The following WDR72 variants were observed in gnomAD, a reference collection of about 807,000 sequenced individuals.
WDR72 encodes WD repeat-containing protein 72.
In WDR72, 120 loss-of-function variants were observed where a neutral mutation model predicts 124.2. The observed-to-expected ratio is 0.97, with a 90% CI of 0.83 to 1.12. WDR72 has a LOEUF of 1.12. Ranked by LOEUF, WDR72 falls within the 50% of genes most tolerant of loss-of-function variation. WDR72 has a pLI of 0.00. For synonymous variants in WDR72, 452 were observed against 441.7 expected, an observed-to-expected ratio of 1.02 and a Z score of -0.29; for missense variants, 1,387 against 1,278.8, an observed-to-expected ratio of 1.08 and a Z score of -1.29.
intron 18 of WDR72, among the ~76,000 whole-genome samples, chr15:53,529,164 A>ATATATATTTTTTTTTTTTT (rs59003623): frequency 2.6e-5 from 2 of 78,168 alleles, no homozygotes; most frequent in Admixed American, 1.4e-4. Context: ...ATATATATAT[A>ATATATATTTTTTTTTTTTT]TTTTTTTTTT....
chr15:53,657,326 T>TA (rs1457771995), intron 14 of WDR72, among the ~76,000 whole-genome samples: 4 of 137,270 alleles, frequency 2.9e-5, no homozygotes, highest in Non-Finnish European at 6.4e-5. Flanking sequence ...GAAAAAAGTC[T>TA]AAATAAGCTA....
intron 13 of WDR72, among the ~76,000 whole-genome samples, chr15:53,682,408 TACA>T (rs1220105433): frequency 6.6e-6 from 1 of 152,188 alleles, no homozygotes. Flanking sequence ...AATATATATA[TACA>T]ACGAGACTTA....
intron 14 of WDR72, among the ~76,000 whole-genome samples, chr15:53,635,898 C>T (rs946400445): frequency 6.6e-6 from 1 of 152,098 alleles, no homozygotes; most frequent in Non-Finnish European, 1.5e-5. Flanking sequence ...CATTACACCA[C>T]GGGTTAAAGG....
At chr15:53,694,380 C>T (rs1300386420) in intron 13 of WDR72, among the ~76,000 whole-genome samples, 1 of 152,196 alleles carries the variant, frequency 6.6e-6, no homozygotes, top group Non-Finnish European at 1.5e-5. Context: ...GTGCCAGCCA[C>T]GAACAGCCTC....
At chr15:53,695,414 C>T (rs942609176) in intron 13 of WDR72, among the ~76,000 whole-genome samples, 17 of 152,220 alleles carry the variant, frequency 1.1e-4, no homozygotes, top group African/African-American at 3.6e-4. Context: ...TACATTATTA[C>T]GCCTATTGTG....
At chr15:53,538,792 T>A (rs753863791) in intron 18 of WDR72, among the ~76,000 whole-genome samples, 2 of 151,984 alleles carry the variant, frequency 1.3e-5, no homozygotes, top group Non-Finnish European at 2.9e-5. Context: ...ACAGAATGAA[T>A]CAGATCACTG....
intron 13 of WDR72, among the ~76,000 whole-genome samples, chr15:53,680,516 G>A (rs188328008): frequency 6.6e-6 from 1 of 152,262 alleles, no homozygotes; most frequent in African/African-American, 2.4e-5. Context: ...ACTTATGGTT[G>A]ATACTTCCAG....
intron 17 of WDR72, among the ~76,000 whole-genome samples, chr15:53,598,141 A>G (rs1245696492): frequency 2.6e-5 from 4 of 152,148 alleles, no homozygotes; most frequent in Non-Finnish European, 4.4e-5. Context: ...AGGGAGAGAA[A>G]AGAATGGACA....
intron 11 of WDR72, among the ~76,000 whole-genome samples, chr15:53,703,873 T>G (rs1467800497): frequency 6.6e-6 from 1 of 152,226 alleles, no homozygotes; most frequent in Non-Finnish European, 1.5e-5. Flanking sequence ...CCCACCTGGA[T>G]GAATGTTCAT....
intron 2 of WDR72, among the ~76,000 whole-genome samples, chr15:53,726,671 A>T (rs1010144103): frequency 6.6e-6 from 1 of 151,938 alleles, no homozygotes; most frequent in Non-Finnish European, 1.5e-5. Flanking sequence ...GTGAGACCTC[A>T]TCTCTACAAA....
intron 13 of WDR72, among the ~76,000 whole-genome samples, chr15:53,693,378 T>C (rs981114131): frequency 2.0e-5 from 2 of 102,388 alleles, no homozygotes; most frequent in Admixed American, 2.1e-4. Context: ...AATACAGCTA[T>C]ATTTCTGAAA....
At chr15:53,620,606 T>C (rs1247080481) in intron 14 of WDR72, among the ~76,000 whole-genome samples, 1 of 152,030 alleles carries the variant, frequency 6.6e-6, no homozygotes, top group African/African-American at 2.4e-5. Context: ...TGAAGGTGAA[T>C]GAAACTGGAT....
intron 18 of WDR72, among the ~76,000 whole-genome samples, chr15:53,529,634 T>A (rs1451386032): frequency 1.3e-5 from 2 of 151,956 alleles, no homozygotes; most frequent in Admixed American, 1.3e-4. Context: ...AGGTTCTCAA[T>A]GATTGCTGAA....
intron 18 of WDR72, among the ~76,000 whole-genome samples, chr15:53,536,561 CA>C (rs1320124764): frequency 2.6e-5 from 4 of 151,968 alleles, no homozygotes; most frequent in South Asian, 2.1e-4. Context: ...GGGAAATATA[CA>C]AAAAAGCTGG....
intron 18 of WDR72, among the ~76,000 whole-genome samples, chr15:53,539,610 A>C (rs1482202495): frequency 6.6e-6 from 1 of 152,056 alleles, no homozygotes; most frequent in Non-Finnish European, 1.5e-5. Context: ...GAAGAAAGGT[A>C]ATACGTAAAG....
At chr15:53,700,950 G>A in intron 12 of WDR72, among the ~76,000 whole-genome samples, 1 of 152,130 alleles carries the variant, frequency 6.6e-6, no homozygotes, top group East Asian at 1.9e-4. Flanking sequence ...CATACCGTGT[G>A]AACACAAATC....
intron 18 of WDR72, among the ~76,000 whole-genome samples, chr15:53,524,748 T>A (rs143411353): frequency 6.6e-6 from 1 of 152,138 alleles, no homozygotes; most frequent in Non-Finnish European, 1.5e-5. Context: ...TAAAACCTTT[T>A]TTGGGAACAA....
intron 17 of WDR72, among the ~76,000 whole-genome samples, chr15:53,598,849 T>C (rs993314346): frequency 1.3e-5 from 2 of 152,220 alleles, no homozygotes; most frequent in African/African-American, 4.8e-5. Context: ...GTATCAATTA[T>C]GTGCCATTAA....
Position 53,702,148 on chromosome 15 carries a change from G to A in WDR72, c.1555C>T (p.Pro519Ser). 1 of 1,613,056 alleles carries A rather than the reference G, an allele frequency of 6.2e-7. No homozygotes were observed. Among genetic ancestry groups the A allele is most frequent in the East Asian group, 2.2e-5 (1 of 44,836 alleles). ...CTTCGTCTTACTTTAAACTTCTCTGGTGACATCAAAAGACTTGTTACTGGA... is the reference window on the plus strand; with the variant it reads ...CTTCGTCTTACTTTAAACTTCTCTGATGACATCAAAAGACTTGTTACTGGA... The part of the protein sequence containing the change: ...AGPVTSLLMS[P>S]EKFKLRGEQI... The change falls in exon 12 of 20, where the codon CCA becomes TCA. Residue 519 changes from proline (P) to serine (S), a missense_variant. Coordinates refer to ENST00000360509, the MANE Select transcript of WDR72 (RefSeq NM_182758.4).
Sources: gnomAD v4.1 joint callset for allele counts (sites outside exome capture counted in the v4.1 genomes callset) on GRCh38, gnomAD v4.1.1 for gene constraint, MANE v1.5 for transcripts, NCBI Gene and HGNC (gene_info 2026-07-23, HGNC 2026-07-21) for gene names.